CDK19: variants seen among roughly 807,000 people sequenced by gnomAD.
The protein encoded by CDK19 is cyclin dependent kinase 19, also known as cyclin-dependent kinase 19.
In CDK19, 20 loss-of-function variants were observed where a neutral mutation model predicts 68.3. The ratio of observed to expected loss-of-function variants is 0.29; its 90% CI spans 0.21 to 0.43. The LOEUF (loss-of-function observed/expected upper bound fraction) is 0.43. Among genes scored for constraint, CDK19 ranks in the 20% least tolerant of loss-of-function variants. The pLI, the probability that CDK19 is intolerant of heterozygous loss-of-function variation, is 1.00. For synonymous variants in CDK19, 221 were observed against 222.8 expected (o/e 0.99, Z 0.07); for missense variants, 339 against 623.5 (o/e 0.54, Z 4.86).
intron 4 of CDK19, among the ~76,000 whole-genome samples, chr6:110,666,685 A>G (rs1350820275): frequency 6.6e-6 from 1 of 152,184 alleles, no homozygotes; most frequent in Non-Finnish European, 1.5e-5. Flanking sequence ...AGAATTCTCA[A>G]AAGCCTAAGA....
intron 2 of CDK19, among the ~76,000 whole-genome samples, chr6:110,727,637 TGCC>T (rs1776410410): frequency 7.2e-6 from 1 of 138,282 alleles, no homozygotes; most frequent in Non-Finnish European, 1.6e-5. Context: ...AATCTCTGTC[TGCC>T]CTCTCCATCT....
chr6:110,690,763 A>G (rs1772916506), intron 2 of CDK19, among the ~76,000 whole-genome samples: 1 of 152,220 alleles, frequency 6.6e-6, no homozygotes. Context: ...ATAATGACAG[A>G]ACTCATATAG....
At chr6:110,704,676 C>T (rs1190804704) in intron 2 of CDK19, among the ~76,000 whole-genome samples, 1 of 152,132 alleles carries the variant, frequency 6.6e-6, no homozygotes, top group East Asian at 1.9e-4. Flanking sequence ...ATCAACAAAT[C>T]TTTTTAGTTA....
At chr6:110,797,984 C>CAAAAAAAAAAAAAAAA (rs56710819) in intron 1 of CDK19, among the ~76,000 whole-genome samples, 1 of 87,256 alleles carries the variant, frequency 1.1e-5, no homozygotes, top group Non-Finnish European at 2.3e-5. Flanking sequence ...GACTCCGTCT[C>CAAAAAAAAAAAAAAAA]AAAAAAAAAA....
chr6:110,759,404 TAAAAAAAAAAAAA>T (rs1157889434), intron 1 of CDK19, among the ~76,000 whole-genome samples: 1 of 57,228 alleles, frequency 1.7e-5, no homozygotes, highest in African/African-American at 7.6e-5. Context: ...GACTCCGTCT[TAAAAAAAAAAAAA>T]AAAAAAAAAA....
chr6:110,802,670 A>G (rs1487538734), intron 1 of CDK19, among the ~76,000 whole-genome samples: 1 of 152,220 alleles, frequency 6.6e-6, no homozygotes, highest in African/African-American at 2.4e-5. Flanking sequence ...AAACCTGCAC[A>G]TGTATCCCCA....
chr6:110,754,977 T>C (rs1778736867), intron 1 of CDK19, among the ~76,000 whole-genome samples: 1 of 151,086 alleles, frequency 6.6e-6, no homozygotes, highest in African/African-American at 2.4e-5. Context: ...ATCCCTTCCC[T>C]TGTGAATTTT....
intron 1 of CDK19, among the ~76,000 whole-genome samples, chr6:110,787,696 C>T (rs1781326316): frequency 6.6e-6 from 1 of 152,164 alleles, no homozygotes; most frequent in African/African-American, 2.4e-5. Flanking sequence ...CCTGCCTTGG[C>T]CTGCCAAAGT....
intron 1 of CDK19, among the ~76,000 whole-genome samples, chr6:110,764,952 A>AAATAAATAAATAAAT (rs1779470250): frequency 7.1e-6 from 1 of 141,048 alleles, no homozygotes; most frequent in Admixed American, 7.3e-5. Context: ...CTCCATCTCA[A>AAATAAATAAATAAAT]AAATAAATAA....
At chr6:110,800,674 A>C (rs1782281157) in intron 1 of CDK19, among the ~76,000 whole-genome samples, 1 of 152,204 alleles carries the variant, frequency 6.6e-6, no homozygotes, top group African/African-American at 2.4e-5. Flanking sequence ...GTGATTCACC[A>C]CATAAACAGA....
intron 3 of CDK19, among the ~76,000 whole-genome samples, chr6:110,668,635 C>G (rs554751346): frequency 1.3e-5 from 2 of 152,020 alleles, no homozygotes; most frequent in Non-Finnish European, 2.9e-5. Flanking sequence ...GAGTTCAAGG[C>G]CAGCCTGACC....
At chr6:110,626,056 G>A (rs1779070226) in intron 8 of CDK19, among the ~76,000 whole-genome samples, 2 of 152,122 alleles carry the variant, frequency 1.3e-5, no homozygotes, top group South Asian at 4.1e-4. Flanking sequence ...TCTTCCTTCT[G>A]CCAGCCTTCC....
At chr6:110,661,306 T>C (rs1167311023) in intron 4 of CDK19, among the ~76,000 whole-genome samples, 4 of 152,226 alleles carry the variant, frequency 2.6e-5, no homozygotes, top group African/African-American at 9.6e-5. Context: ...ATGTTGAAGA[T>C]ACTAGAAGTT....
intron 1 of CDK19, among the ~76,000 whole-genome samples, chr6:110,808,709 T>A (rs1782853366): frequency 6.6e-6 from 1 of 152,200 alleles, no homozygotes; most frequent in Non-Finnish European, 1.5e-5. Context: ...TAAAGATACT[T>A]AATTTTTTAC....
intron 1 of CDK19, among the ~76,000 whole-genome samples, chr6:110,796,265 A>T (rs981726176): frequency 6.6e-6 from 1 of 152,188 alleles, no homozygotes; most frequent in Non-Finnish European, 1.5e-5. Context: ...TAGAACCAGG[A>T]GGCAGAGGCT....
intron 1 of CDK19, among the ~76,000 whole-genome samples, chr6:110,781,136 A>G (rs1780783556): frequency 6.6e-6 from 1 of 152,168 alleles, no homozygotes; most frequent in South Asian, 2.1e-4. Context: ...ATTTATAAAG[A>G]AAAGAATTTT....
chr6:110,772,783 C>G lies in CDK19; in HGVS notation c.129-26582G>C, dbSNP rs947092572. Among the ~76,000 whole-genome samples the G allele has an allele frequency of 4.0e-5, 6 of 151,086 alleles. No homozygotes were observed. In the East Asian group the frequency reaches 5.9e-4, roughly 15 times the overall value. On this transcript the variant is annotated intron_variant, in intron 1 of 12. Coordinates refer to ENST00000368911, the MANE Select transcript of CDK19 (RefSeq NM_015076.5). Reference sequence around the variant, plus strand: ...TGGCGTGAGCCTGTGGTCCCAGCTACTTGGGAGGCTGAAGTGGGAGGATTG... The same window carrying G: ...TGGCGTGAGCCTGTGGTCCCAGCTAGTTGGGAGGCTGAAGTGGGAGGATTG...
rs190119001 is a variant in CDK19 at position 110,769,415 on chromosome 6, A to G, written c.129-23214T>C. On this transcript the variant is annotated intron_variant, in intron 1 of 12. Transcript: ENST00000368911. ...CCCTGTCTCTACTAAAAATACAAAAATTAGCCGGGCATAGTGGTACATGCC... is the reference window on the plus strand; with the variant it reads ...CCCTGTCTCTACTAAAAATACAAAAGTTAGCCGGGCATAGTGGTACATGCC... Among the ~76,000 whole-genome samples, 52 of 151,516 alleles carry G rather than the reference A, an allele frequency of 3.4e-4. 1 individual carries two copies. In the East Asian group the frequency reaches 9.8e-3, roughly 28 times the overall value.
chr6:110,659,720 G>A (rs74520588), intron 4 of CDK19, among the ~76,000 whole-genome samples: 1 of 152,110 alleles, frequency 6.6e-6, no homozygotes, highest in Non-Finnish European at 1.5e-5. Context: ...ACAGCAGGGA[G>A]GGGAAGAAGA....
Sources: allele counts gnomAD v4.1 joint callset (sites outside exome capture counted in the v4.1 genomes callset), GRCh38; gene constraint gnomAD v4.1.1; transcripts MANE v1.5; gene names NCBI Gene and HGNC (gene_info 2026-07-23, HGNC 2026-07-21).